LOXHD1: variants seen among roughly 807,000 people sequenced by gnomAD.
LOXHD1 encodes lipoxygenase homology domain-containing protein 1.
In LOXHD1, 205 loss-of-function variants were observed where a neutral mutation model predicts 248.2. The ratio of observed to expected loss-of-function variants is 0.83; its 90% confidence interval spans 0.74 to 0.93. LOXHD1 has a LOEUF of 0.93. Ranked by LOEUF, LOXHD1 falls within the 40% of genes least tolerant of loss-of-function variation. The probability of loss-of-function intolerance (pLI) is 0.00; values close to 1 mark genes in which losing one functional copy is unlikely to be tolerated. For synonymous variants in LOXHD1, 1,113 were observed against 1,162.8 expected (o/e 0.96, Z 0.87); for missense variants, 2,930 against 2,971.6 (o/e 0.99, Z 0.33).
chr18:46,520,586 T>C (rs980501308), intron 33 of LOXHD1: 3 of 288,402 alleles, frequency 1.0e-5, no homozygotes, highest in Non-Finnish European at 2.0e-5. Context: ...CCTCTTGCCC[T>C]CCAGGCTTTT....
intron 21 of LOXHD1, 33 bp from the exon 22 acceptor site, chr18:46,547,091 C>G: frequency 6.4e-7 from 1 of 1,551,448 alleles, no homozygotes; most frequent in Non-Finnish European, 8.7e-7. Context: ...ATTGGAATGT[C>G]CTCTTAGAAA....
intron 1 of LOXHD1, among the ~76,000 whole-genome samples, chr18:46,653,075 C>G (rs1286191033): frequency 6.6e-6 from 1 of 152,082 alleles, no homozygotes; most frequent in Non-Finnish European, 1.5e-5. Flanking sequence ...GGTGAAACCC[C>G]GTCTCTACTA....
chr18:46,583,829 A>G (rs939940291), intron 12 of LOXHD1, among the ~76,000 whole-genome samples: 1 of 124,004 alleles, frequency 8.1e-6, no homozygotes, highest in African/African-American at 2.9e-5. Context: ...CAATAATCCC[A>G]TTACTGGGTA....
intron 15 of LOXHD1, 36 bp from the exon 16 acceptor site, chr18:46,569,674 G>A: frequency 6.6e-7 from 1 of 1,517,370 alleles, no homozygotes; most frequent in South Asian, 1.2e-5. Flanking sequence ...AAGGGAAGGG[G>A]TTAGTGCAGG....
At chr18:46,577,047 T>C (rs1377074284) in intron 14 of LOXHD1, among the ~76,000 whole-genome samples, 1 of 152,210 alleles carries the variant, frequency 6.6e-6, no homozygotes, top group East Asian at 1.9e-4. Flanking sequence ...GCCTTGGAAC[T>C]GAGATTTGCA....
At chr18:46,589,904 G>T (rs192013744) in intron 12 of LOXHD1, among the ~76,000 whole-genome samples, 4 of 152,038 alleles carry the variant, frequency 2.6e-5, no homozygotes, top group Admixed American at 1.3e-4. Flanking sequence ...AGGCAAAGAG[G>T]GGGTGGAAGT....
rs1477088613 is a variant in LOXHD1 at position 46,630,074 on chromosome 18, AAAG to A, written c.511+9539_511+9541del. 4.6e-5 allele frequency among the ~76,000 whole-genome samples: 7 copies of A among 152,290 alleles called. No homozygotes were observed. In the East Asian group the frequency reaches 1.4e-3, roughly 29 times the overall value. On this transcript the variant is annotated intron_variant, in intron 4 of 40. Transcript: ENST00000642948. ...TGGTGGCTTGTCCTTCCCAAAACCT[AAAG>A]AACAAGAGCAGGTGTGGAATCAGGA...
chr18:46,600,174 C>G (rs565734293), intron 8 of LOXHD1, among the ~76,000 whole-genome samples: 17 of 152,296 alleles, frequency 1.1e-4, no homozygotes, highest in African/African-American at 3.4e-4. Context: ...TCCAAAATAT[C>G]CATCGACAGA....
chr18:46,575,373 T>C (rs1287368542), intron 14 of LOXHD1, among the ~76,000 whole-genome samples: 1 of 151,898 alleles, frequency 6.6e-6, no homozygotes, highest in African/African-American at 2.4e-5. Flanking sequence ...CTGAATTGTG[T>C]CCCCCCACCC....
chr18:46,608,286 G>T lies in LOXHD1; in HGVS notation c.759+2490C>A, dbSNP rs559576914. Among the ~76,000 whole-genome samples, 16 of 152,278 alleles carry T rather than the reference G, an allele frequency of 1.1e-4. No homozygotes were observed. In the South Asian group the frequency reaches 2.9e-3, roughly 28 times the overall value. ...ATCCACAAAGTTTTAAAGGAAAAAA[G>T]TGTTTTCACCCATAGATTTCACACC... On this transcript the variant is annotated intron_variant, in intron 6 of 40. Transcript: ENST00000642948.
intron 12 of LOXHD1, among the ~76,000 whole-genome samples, chr18:46,583,729 C>A (rs2038005685): frequency 6.6e-6 from 1 of 152,132 alleles, no homozygotes; most frequent in East Asian, 1.9e-4. Context: ...CACTTGCACA[C>A]TATGGGTAAG....
Position 46,587,355 on chromosome 18 carries a change from G to A in LOXHD1, c.1654+4578C>T, listed in dbSNP as rs374060071. On this transcript the variant is annotated intron_variant, in intron 12 of 40. Coordinates refer to ENST00000642948, the MANE Select transcript of LOXHD1 (RefSeq NM_001384474.1). ...GGCTTCACTCTTAATTATGATGAAG[G>A]CCAGTTCTGCTTTTTTAGCTGTAAC... 5.9e-5 allele frequency among the ~76,000 whole-genome samples: 9 copies of A among 152,252 alleles called. No individual in the cohort carries two copies. In the East Asian group the frequency reaches 7.7e-4, roughly 13 times the overall value.
intron 12 of LOXHD1, among the ~76,000 whole-genome samples, chr18:46,589,679 G>A (rs985390451): frequency 2.6e-5 from 4 of 152,164 alleles, no homozygotes; most frequent in African/African-American, 7.2e-5. Flanking sequence ...GCCCTTGACC[G>A]TACTTTAGGA....
chr18:46,608,478 C>T (rs113416472), intron 6 of LOXHD1, among the ~76,000 whole-genome samples: 1 of 152,166 alleles, frequency 6.6e-6, no homozygotes, highest in South Asian at 2.1e-4. Context: ...GTCCACTAAA[C>T]CTTGTGTTTT....
rs1221813908 is a variant in LOXHD1 at position 46,533,282 on chromosome 18, T to C, written c.4255A>G (p.Thr1419Ala). ...LTFPCDRWLA[T>A]SEDDKKTIRE... ...ATGGTCTTTTTGTCATCCTCAGAGG[T>C]GGCAAGCCACCGATCGCATGGGAAA... Residue 1419 changes from threonine (T) to alanine (A), a missense_variant, in exon 28 of 41, where the codon ACC (threonine) becomes GCC (alanine). Physicochemically the swap from Thr to Ala is moderately conservative, Grantham distance 58. Coordinates refer to ENST00000642948, the MANE Select transcript of LOXHD1 (RefSeq NM_001384474.1). The C allele has an allele frequency of 6.4e-7, 1 of 1,551,772 alleles. No individual in the cohort carries two copies. Among genetic ancestry groups the C allele is most frequent in the South Asian group, 1.2e-5 (1 of 84,062 alleles).
intron 10 of LOXHD1, 30 bp from the exon 11 acceptor site, chr18:46,592,614 G>A (rs1006868692): frequency 1.3e-6 from 2 of 1,514,176 alleles, no homozygotes; most frequent in Non-Finnish European, 9.0e-7. Flanking sequence ...CATTTGAGTG[G>A]GCATAACTGA....
chr18:46,653,546 T>A (rs2039139953), intron 1 of LOXHD1, among the ~76,000 whole-genome samples: 2 of 152,218 alleles, frequency 1.3e-5, no homozygotes, highest in South Asian at 4.1e-4. Flanking sequence ...TCTGTTGAAC[T>A]CCAGATGGGA....
intron 6 of LOXHD1, 41 bp from the exon 7 acceptor site, chr18:46,604,270 G>T: frequency 6.5e-7 from 1 of 1,549,968 alleles, no homozygotes; most frequent in Non-Finnish European, 8.7e-7. Context: ...GATAAGTGTT[G>T]TTGAGGGTGC....
intron 4 of LOXHD1, among the ~76,000 whole-genome samples, chr18:46,630,074 A>G (rs1322967175): frequency 3.3e-5 from 5 of 152,172 alleles, no homozygotes; most frequent in Admixed American, 1.3e-4. Flanking sequence ...CCCAAAACCT[A>G]AAGAACAAGA....
Sources: gnomAD v4.1 joint callset for allele counts (sites outside exome capture counted in the v4.1 genomes callset) on GRCh38, gnomAD v4.1.1 for gene constraint, MANE v1.5 for transcripts, NCBI Gene and HGNC (gene_info 2026-07-23, HGNC 2026-07-21) for gene names.